ZBTB16: variants seen among roughly 807,000 people sequenced by gnomAD.
ZBTB16 encodes zinc finger and BTB domain-containing protein 16.
In ZBTB16, 8 loss-of-function variants were observed where a neutral mutation model predicts 56.8. The observed-to-expected ratio is 0.14, with a 90% CI of 0.08 to 0.25. The LOEUF (loss-of-function observed/expected upper bound fraction) is 0.25. ZBTB16 is among the 10% of genes least tolerant of loss of function. ZBTB16 has a pLI of 1.00. For synonymous variants in ZBTB16, 363 were observed against 368.5 expected (o/e 0.98, Z 0.17); for missense variants, 625 against 903.0 (o/e 0.69, Z 3.95).
intron 4 of ZBTB16, among the ~76,000 whole-genome samples, chr11:114,199,439 G>A (rs1462582214): frequency 6.6e-6 from 1 of 152,262 alleles, no homozygotes; most frequent in Non-Finnish European, 1.5e-5. Context: ...GGGGATGCCA[G>A]CCATGGATGC....
At chr11:114,124,368 C>T (rs1941430131) in intron 2 of ZBTB16, among the ~76,000 whole-genome samples, 1 of 151,780 alleles carries the variant, frequency 6.6e-6, no homozygotes, top group African/African-American at 2.4e-5. Context: ...TCAGATTTAC[C>T]CCCAAATGCT....
intron 4 of ZBTB16, among the ~76,000 whole-genome samples, chr11:114,206,845 C>T (rs1943886556): frequency 6.6e-6 from 1 of 152,210 alleles, no homozygotes; most frequent in Admixed American, 6.5e-5. Flanking sequence ...TGTGGCTAGA[C>T]ACCTATGGCT....
intron 2 of ZBTB16, among the ~76,000 whole-genome samples, chr11:114,070,156 C>T (rs1164792804): frequency 2.0e-4 from 25 of 123,894 alleles, no homozygotes; most frequent in Non-Finnish European, 3.1e-5. Flanking sequence ...GGTCGGACTG[C>T]GGACTGCAGT....
chr11:114,119,950 G>A (rs1941295669), intron 2 of ZBTB16, among the ~76,000 whole-genome samples: 2 of 152,194 alleles, frequency 1.3e-5, no homozygotes, highest in Admixed American at 1.3e-4. Context: ...ACCGCTGGGA[G>A]TTGTTCACTC....
At chr11:114,102,465 C>G (rs1940645692) in intron 2 of ZBTB16, among the ~76,000 whole-genome samples, 1 of 152,140 alleles carries the variant, frequency 6.6e-6, no homozygotes, top group Non-Finnish European at 1.5e-5. Flanking sequence ...TCTTCTCCTT[C>G]ATCACAGCAG....
chr11:114,144,206 A>AC (rs920893101), intron 2 of ZBTB16, among the ~76,000 whole-genome samples: 1 of 150,300 alleles, frequency 6.7e-6, no homozygotes, highest in Non-Finnish European at 1.5e-5. Flanking sequence ...ACACACACAC[A>AC]CACACACTCC....
At chr11:114,077,447 C>T (rs566774802) in intron 2 of ZBTB16, among the ~76,000 whole-genome samples, 1 of 152,004 alleles carries the variant, frequency 6.6e-6, no homozygotes, top group South Asian at 2.1e-4. Context: ...CATCTTGGAA[C>T]CCAGAACTCC....
At chr11:114,169,026 C>G (rs1942877836) in intron 3 of ZBTB16, among the ~76,000 whole-genome samples, 1 of 151,962 alleles carries the variant, frequency 6.6e-6, no homozygotes, top group Admixed American at 6.5e-5. Flanking sequence ...GTGGCCCTCC[C>G]ACCCAGGGAG....
At chr11:114,168,310 A>C (rs1942849792) in intron 3 of ZBTB16, among the ~76,000 whole-genome samples, 1 of 152,192 alleles carries the variant, frequency 6.6e-6, no homozygotes, top group African/African-American at 2.4e-5. Context: ...CAAGGATGGA[A>C]GGCGGGGACC....
In ZBTB16 at chr11:114,256,023, T is replaced by G. The variant is rs918513129; in HGVS notation, c.*5468T>G. ...TATTGAAGTACTTGGTTTTGTTTTG[T>G]TTTTTTTTTTTGTTTTTTTTGCCTT... On this transcript the variant is annotated 3_prime_UTR_variant, in exon 7 of 7. Coordinates refer to ENST00000335953, the MANE Select transcript of ZBTB16 (RefSeq NM_006006.6). 4.4e-4 allele frequency among the ~76,000 whole-genome samples: 5 copies of G among 11,428 alleles called. No homozygotes were observed. The highest frequency in any genetic ancestry group is 7.2e-4 in the African/African-American group (3 of 4,180). 7.5% of individuals were successfully genotyped at this position (11,428 alleles called of 152,430 possible). A position where few individuals can be genotyped will look rare whatever the true frequency, so the allele number is the denominator to read the frequency against.
intron 2 of ZBTB16, among the ~76,000 whole-genome samples, chr11:114,116,290 T>C (rs542007609): frequency 2.6e-5 from 4 of 152,216 alleles, no homozygotes; most frequent in African/African-American, 9.6e-5. Flanking sequence ...ATTTTAATCC[T>C]TGGGTATAGA....
chr11:114,167,216 G>GTTTTTTTTTTTTGTTT (rs1942783087), intron 3 of ZBTB16, among the ~76,000 whole-genome samples: 1 of 79,940 alleles, frequency 1.3e-5, no homozygotes, highest in Non-Finnish European at 2.6e-5. Context: ...TGGATTTGTG[G>GTTTTTTTTTTTTGTTT]TTTTTTTTTT....
intron 2 of ZBTB16, among the ~76,000 whole-genome samples, chr11:114,099,223 A>G (rs1288416570): frequency 6.6e-6 from 1 of 152,118 alleles, no homozygotes; most frequent in African/African-American, 2.4e-5. Flanking sequence ...TACAACAGAT[A>G]TTGATTTTAG....
Position 114,108,263 on chromosome 11 carries a change from G to A in ZBTB16, c.1268+43695G>A, listed in dbSNP as rs117480235. The stretch of plus-strand genomic sequence containing the variant: ...CTGAGTGTGCAGAATGTTTCCAGCC[G>A]TTAGAAAGCTGCTCCCGAGTCTTTC... On this transcript the variant is annotated intron_variant, in intron 2 of 6. Transcript: ENST00000335953. Among the ~76,000 whole-genome samples, 833 of 152,220 alleles carry A rather than the reference G, an allele frequency of 5.5e-3. 3 individuals carry two copies. The highest frequency in any genetic ancestry group is 9.3e-3 in the Non-Finnish European group (634 of 67,998).
At chr11:114,075,629 G>GTATATATATATA (rs10526570) in intron 2 of ZBTB16, among the ~76,000 whole-genome samples, 26 of 141,100 alleles carry the variant, frequency 1.8e-4, no homozygotes, top group African/African-American at 5.8e-4. Flanking sequence ...GCTAATTTTT[G>GTATATATATATA]TATATATATA....
At position 114,256,068 on chromosome 11, in the gene ZBTB16, G is replaced by A. The variant is rs748196132; in HGVS notation, c.*5513G>A. 3.3e-5 allele frequency among the ~76,000 whole-genome samples: 5 copies of A among 150,402 alleles called. No homozygotes were observed. The highest frequency in any genetic ancestry group is 7.4e-5 in the Non-Finnish European group (5 of 67,776). On this transcript the variant is annotated 3_prime_UTR_variant, in exon 7 of 7. Transcript: ENST00000335953. ...TGCCTTTTCTTGTGTGGGGAACATG[G>A]TAGAGGAATTAAGATTTTTGTGTGG...
chr11:114,159,323 C>T (rs1346892841), intron 3 of ZBTB16, among the ~76,000 whole-genome samples: 26 of 152,168 alleles, frequency 1.7e-4, no homozygotes, highest in Admixed American at 1.7e-3. Context: ...TTACTGGGCA[C>T]TGAAGGCTGA....
At chr11:114,209,559 G>T in intron 4 of ZBTB16, 1 of 985,406 alleles carries the variant, frequency 1.0e-6, no homozygotes, top group Non-Finnish European at 1.2e-6. Flanking sequence ...GGAAGCAGCA[G>T]GTTGTTGACA....
In ZBTB16 at chr11:114,063,348, C is replaced by T. The variant is rs1938958006; in HGVS notation, c.48C>T (p.His16=). The change falls in exon 2 of 7, where the codon CAC becomes CAT. Residue 16 remains histidine, a synonymous_variant. Transcript: ENST00000335953. This position sits in a 1 kb window ranked among gnomAD's most constrained non-coding sequence, Gnocchi z 6.5. ...TGATCCAGCTGCAGAACCCTAGCCA[C>T]CCCACGGGGCTACTGTGCAAGGCCA... is the stretch of plus-strand genomic sequence containing the variant. ...MGMIQLQNPS[H]PTGLLCKANQ... is the part of the protein sequence containing the mutation. 2 of 1,613,996 alleles carry T rather than the reference C, an allele frequency of 1.2e-6. No homozygotes were observed. Among genetic ancestry groups the T allele is most frequent in the Non-Finnish European group, 1.7e-6 (2 of 1,180,042 alleles).
Sources: allele counts gnomAD v4.1 joint callset (sites outside exome capture counted in the v4.1 genomes callset), GRCh38; gene constraint gnomAD v4.1.1; non-coding constraint Gnocchi (gnomAD v3.1); transcripts MANE v1.5; gene names NCBI Gene and HGNC (gene_info 2026-07-23, HGNC 2026-07-21).